Variants in FER1L5 observed in about 807,000 individuals in gnomAD.
FER1L5 encodes fer-1 like family member 5.
Under a neutral mutation model 279.9 loss-of-function variants are expected in FER1L5, and 187 were observed. The observed-to-expected ratio is 0.67, with a 90% CI of 0.59 to 0.75. FER1L5 has a LOEUF of 0.75. FER1L5 is among the 30% of genes least tolerant of loss of function. The pLI is 0.00. For missense variants in FER1L5, 2,091 were observed against 2,594.4 expected (o/e 0.81, Z 4.21); for synonymous variants, 921 against 989.7 (o/e 0.93, Z 1.30).
chr2:96,650,302 C>G lies in FER1L5; in HGVS notation c.504+13C>G. ...TCAGCACTTTCAGGTGAGGACCTTC[C>G]AGGTTGCAAGTTCATGGGACTCACC... On this transcript the variant is annotated intron_variant, in intron 6 of 52. Transcript: ENST00000624922. The G allele has an allele frequency of 6.5e-7, 1 of 1,548,956 alleles. No individual in the cohort carries two copies. The highest frequency in any genetic ancestry group is 1.4e-5 in the African/African-American group (1 of 73,104).
At position 96,653,797 on chromosome 2, in the gene FER1L5, G is replaced by T. The variant is rs17685766; in HGVS notation, c.696+95G>T. ...CTCCAGCCCCCACCCTTAGAGCCAG[G>T]GGCACTTCAGATTGTCTTCCTGATC... On this transcript the variant is annotated intron_variant, in intron 8 of 52. Transcript: ENST00000624922. 44 of 891,782 alleles carry T rather than the reference G, an allele frequency of 4.9e-5. No homozygotes were observed. In the African/African-American group the frequency reaches 5.9e-4, roughly 12 times the overall value. The allele number at this position is 891,782 out of a possible 1,614,324, so 55.2% of individuals were successfully genotyped here. A position where few individuals can be genotyped will look rare whatever the true frequency, so the allele number is the denominator to read the frequency against.
In FER1L5 at chr2:96,691,395, G is replaced by GCC. The variant is rs1558912110; in HGVS notation, c.2907+43_2907+44dup. The GCC allele has an allele frequency of 1.3e-6, 2 of 1,536,756 alleles. No homozygotes were observed. Among genetic ancestry groups the GCC allele is most frequent in the South Asian group, 2.4e-5 (2 of 82,834 alleles). On this transcript the variant is annotated intron_variant, in intron 28 of 52. Coordinates refer to ENST00000624922, the MANE Select transcript of FER1L5 (RefSeq NM_001293083.2). This position sits in a 1 kb window ranked among gnomAD's most constrained non-coding sequence, Gnocchi z 6.0. ...CGCCCTGGCTGGGACTGCGGGCAGG[G>GCC]CCGCCTTGGCTGCTGCAGGAACACA...
At position 96,671,106 on chromosome 2, in the gene FER1L5, CAAAAA is replaced by C. The variant is rs750341048; in HGVS notation, c.1491+877_1491+881del. Among the ~76,000 whole-genome samples, 260 of 40,224 alleles carry C rather than the reference CAAAAA, an allele frequency of 6.5e-3. 8 individuals are homozygous for C. The highest frequency in any genetic ancestry group is 0.031 in the African/African-American group (235 of 7,540). The allele number at this position is 40,224 out of a possible 152,430, so 26.4% of individuals were successfully genotyped here. A position where few individuals can be genotyped will look rare whatever the true frequency, so the allele number is the denominator to read the frequency against. The stretch of plus-strand genomic sequence containing the variant: ...TGGGTGACAGAGTGAGACTCCATCT[CAAAAA>C]AAAAAAAAAAAAAAAAAGGAATCCC... On this transcript the variant is annotated intron_variant, in intron 18 of 52. Coordinates refer to ENST00000624922, the MANE Select transcript of FER1L5 (RefSeq NM_001293083.2).
chr2:96,665,937 T>C (rs996686967), intron 14 of FER1L5, among the ~76,000 whole-genome samples: 2 of 152,212 alleles, frequency 1.3e-5, no homozygotes, highest in African/African-American at 2.4e-5. Flanking sequence ...AGGCCCTCCC[T>C]CATCCCTGAG....
intron 45 of FER1L5, 92 bp downstream of exon 45, chr2:96,700,563 A>G: frequency 6.4e-7 from 1 of 1,560,456 alleles, no homozygotes; most frequent in Admixed American, 1.7e-5. Context: ...AGTCCACGAG[A>G]GGAGAAGGAC....
At chr2:96,654,286 T>C (rs1033392243) in intron 8 of FER1L5, 160 bp from the exon 9 acceptor site, 1 of 391,656 alleles carries the variant, frequency 2.6e-6, no homozygotes. Context: ...AGGGTTCCTC[T>C]GAGAGTGAAA....
At chr2:96,686,420 C>A in intron 23 of FER1L5, 70 bp downstream of exon 23, 1 of 1,483,464 alleles carries the variant, frequency 6.7e-7, no homozygotes, top group Middle Eastern at 1.9e-4. Flanking sequence ...CCTGAACTCG[C>A]AGGGCAGCCC....
chr2:96,701,991 A>G lies in FER1L5; in HGVS notation c.5107A>G (p.Lys1703Glu), dbSNP rs1421249074. The G allele has an allele frequency of 6.2e-7, 1 of 1,613,970 alleles. No homozygotes were observed. The highest frequency in any genetic ancestry group is 8.5e-7 in the Non-Finnish European group (1 of 1,179,882). The stretch of plus-strand genomic sequence containing the variant: ...AATGTGGGTGGACATCTTCCCCAAG[A>G]AGCTGGGGCCTCCTGGCCCCCAAGT... Reference protein sequence around the residue: ...VQMWVDIFPKKLGPPGPQVNI... With the variant: ...VQMWVDIFPKELGPPGPQVNI... Residue 1703 changes from lysine to glutamate, a missense_variant, in exon 46 of 53, where the codon AAG (lysine) becomes GAG (glutamate). Transcript: ENST00000624922.
At chr2:96,666,858 G>C (rs1203806785) in intron 14 of FER1L5, among the ~76,000 whole-genome samples, 2 of 151,990 alleles carry the variant, frequency 1.3e-5, no homozygotes, top group African/African-American at 4.8e-5. Context: ...TCAATATGTT[G>C]TCCAGGCTGG....
At chr2:96,653,203 C>T (rs962920809) in intron 7 of FER1L5, 3 of 196,262 alleles carry the variant, frequency 1.5e-5, no homozygotes, top group South Asian at 8.5e-5. Flanking sequence ...AGCGAGACTC[C>T]GCCTAAAAAT....
chr2:96,675,971 A>C (rs1226773599), intron 19 of FER1L5, among the ~76,000 whole-genome samples: 3 of 152,208 alleles, frequency 2.0e-5, no homozygotes, highest in Admixed American at 6.5e-5. Context: ...TCTAAGAAAT[A>C]TCTGTCTATC....
chr2:96,648,649 A>G (rs1169016743), intron 4 of FER1L5, among the ~76,000 whole-genome samples: 1 of 152,220 alleles, frequency 6.6e-6, no homozygotes, highest in Admixed American at 6.5e-5. Context: ...TTATTGCTAG[A>G]GACAGCAGTC....
At chr2:96,683,586 C>T (rs548525441) in intron 19 of FER1L5, among the ~76,000 whole-genome samples, 1 of 151,508 alleles carries the variant, frequency 6.6e-6, no homozygotes, top group African/African-American at 2.4e-5. Context: ...CACAGCCAGT[C>T]TGTAGCACAT....
chr2:96,697,713 T>C lies in FER1L5; in HGVS notation c.4188T>C (p.Asp1396=), dbSNP rs2077434959. Residue 1396 remains aspartate, a synonymous_variant, in exon 39 of 53, where the codon GAT becomes GAC. Transcript: ENST00000624922. ...DWWSKLFWAT[D]EHKSLKYKYK... The stretch of plus-strand genomic sequence containing the variant: ...GGAGCAAGCTGTTCTGGGCCACAGA[T>C]GAGCACAAGTCCCTGAAGTACAAGT... The C allele has an allele frequency of 1.9e-6, 3 of 1,613,892 alleles. No homozygotes were observed. In the South Asian group the frequency reaches 3.3e-5, roughly 18 times the overall value.
chr2:96,698,036 G>A lies in FER1L5; in HGVS notation c.4237-1G>A. The stretch of plus-strand genomic sequence containing the variant: ...AGCCAGGGTTCCACACACCTCTGCA[G>A]GTGTATGAGTGTGAGCTGGAGGCCG... On this transcript the variant is annotated splice_acceptor_variant, in intron 39 of 52. Transcript: ENST00000624922. LOFTEE classifies it high-confidence loss of function. This position sits in a 1 kb window ranked among gnomAD's most constrained non-coding sequence, Gnocchi z 5.5. The A allele has an allele frequency of 6.4e-7, 1 of 1,566,598 alleles. No homozygotes were observed.
At position 96,694,034 on chromosome 2, in the gene FER1L5, G is replaced by A. The variant is rs762166131; in HGVS notation, c.3598G>A (p.Glu1200Lys). The A allele has an allele frequency of 5.8e-6, 9 of 1,547,682 alleles. No individual in the cohort carries two copies. Among genetic ancestry groups the A allele is most frequent in the East Asian group, 2.4e-5 (1 of 40,924 alleles). The change falls in exon 33 of 53, where the codon GAG becomes AAG. Residue 1200 changes from glutamate (E) to lysine (K), a missense_variant. Coordinates refer to ENST00000624922, the MANE Select transcript of FER1L5 (RefSeq NM_001293083.2). This position sits in a 1 kb window ranked among gnomAD's most constrained non-coding sequence, Gnocchi z 4.6. ...AAAGGAGTTGGGGAAGGAAGAGGGC[G>A]AGATCTTGGCATCCTGTGAGCTGAT... ...LVKELGKEEG[E>K]ILASCELILQ...
At chr2:96,649,951 T>G (rs1363129266) in intron 5 of FER1L5, among the ~76,000 whole-genome samples, 2 of 152,200 alleles carry the variant, frequency 1.3e-5, no homozygotes, top group Non-Finnish European at 2.9e-5. Flanking sequence ...ACAAGGATGG[T>G]CATCTCCAAG....
At position 96,661,436 on chromosome 2, in the gene FER1L5, C is replaced by T; in HGVS notation, c.890C>T (p.Ala297Val). The stretch of plus-strand genomic sequence containing the variant: ...TATGCCCTCGGTGTGGGAGACCAGG[C>T]CCTGGTGAGCTGCCCCTAACCCCGG... ...TIYALGVGDQ[A>V]LIDQKLLYGT... The change falls in exon 11 of 53, where the codon GCC becomes GTC. Residue 297 changes from alanine (A) to valine (V), a missense_variant. Physicochemically the swap from Ala to Val is moderately conservative, Grantham distance 64 (BLOSUM62 0). Transcript: ENST00000624922. 6.4e-7 allele frequency: 1 copy of T among 1,551,244 alleles called. No homozygotes were observed. Among genetic ancestry groups the T allele is most frequent in the Non-Finnish European group, 8.7e-7 (1 of 1,146,734 alleles).
chr2:96,698,007 C>T lies in FER1L5; in HGVS notation c.4237-30C>T. On this transcript the variant is annotated intron_variant, in intron 39 of 52. Transcript: ENST00000624922. The surrounding 1 kb of genome is among the most constrained non-coding windows in gnomAD (Gnocchi z 5.5). The stretch of plus-strand genomic sequence containing the variant: ...ATCTCCTAATCACGGGAACAGTCTC[C>T]ACCAGCCAGGGTTCCACACACCTCT... 6.5e-7 allele frequency: 1 copy of T among 1,545,870 alleles called. No individual in the cohort carries two copies. Among genetic ancestry groups the T allele is most frequent in the Middle Eastern group, 1.7e-4 (1 of 5,900 alleles).
Sources: allele counts gnomAD v4.1 joint callset (sites outside exome capture counted in the v4.1 genomes callset), GRCh38; gene constraint gnomAD v4.1.1; non-coding constraint Gnocchi (gnomAD v3.1); transcripts MANE v1.5; gene names NCBI Gene and HGNC (gene_info 2026-07-23, HGNC 2026-07-21).